The following ATL2 variants were observed in gnomAD, a reference collection of about 807,000 sequenced individuals.
ATL2 encodes the protein atlastin-2.
In ATL2, 31 loss-of-function variants were observed where a neutral mutation model predicts 73.9. That is an observed-to-expected ratio of 0.42 (90% CI 0.32 to 0.57). The LOEUF is 0.57. Ranked by LOEUF, ATL2 falls within the 20% of genes least tolerant of loss-of-function variation. The probability of loss-of-function intolerance (pLI) is 0.14; values close to 1 mark genes in which losing one functional copy is unlikely to be tolerated. For synonymous variants in ATL2, 291 were observed against 237.5 expected, an observed-to-expected ratio of 1.23 and a Z score of -2.07; for missense variants, 738 against 702.6, an observed-to-expected ratio of 1.05 and a Z score of -0.57.
Position 38,295,994 on chromosome 2 carries a change from T to TC in ATL2, c.1751dup (p.Ter584TrpfsTer38), listed in dbSNP as rs1203960969. 8.4e-6 allele frequency: 13 copies of TC among 1,544,148 alleles called. No homozygotes were observed. Among genetic ancestry groups the TC allele is most frequent in the Non-Finnish European group, 1.1e-5 (13 of 1,140,676 alleles). ...GTGGAGTCCGTGAGGAGATGAACTG[T>TC]CAGTCTGTCTTTAATCTGGCATGAT... On this transcript the variant is annotated frameshift_variant and stop_lost, in exon 13 of 13. Transcript: ENST00000378954. LOFTEE classifies it high-confidence loss of function.
intron 6 of ATL2, among the ~76,000 whole-genome samples, chr2:38,313,913 T>A (rs558874220): frequency 1.3e-5 from 2 of 152,288 alleles, no homozygotes; most frequent in East Asian, 3.9e-4. Context: ...AAAACTGATA[T>A]AGGCCAAATA....
rs1367711552 is a variant in ATL2, at chr2:38,300,290, A to T, written c.1110T>A (p.His370Gln). The change falls in exon 10 of 13, where the codon CAT (histidine) becomes CAA (glutamine). Residue 370 changes from histidine to glutamine, a missense_variant. His to Gln is a conservative substitution (Grantham distance 24). Transcript: ENST00000378954. ...IKIYQGEELP[H>Q]PKSMLQATAE... The stretch of plus-strand genomic sequence containing the variant: ...TCTCTACCTGAAGCATGGACTTTGG[A>T]TGTGGAAGTTCTTCTCCTTGATAGA... 1.2e-6 allele frequency: 2 copies of T among 1,606,060 alleles called. No individual in the cohort carries two copies. The highest frequency in any genetic ancestry group is 3.3e-5 in the Admixed American group (2 of 59,990).
intron 2 of ATL2, among the ~76,000 whole-genome samples, chr2:38,340,529 C>G (rs975672144): frequency 2.0e-5 from 3 of 152,136 alleles, no homozygotes; most frequent in African/African-American, 7.2e-5. Flanking sequence ...TTAATCTCCT[C>G]TTATAAAACT....
At chr2:38,344,735 C>G (rs1293603974) in intron 1 of ATL2, among the ~76,000 whole-genome samples, 1 of 152,104 alleles carries the variant, frequency 6.6e-6, no homozygotes, top group Non-Finnish European at 1.5e-5. Flanking sequence ...TAACAGTAAC[C>G]TAGTACTACT....
chr2:38,328,437 C>T (rs771252641), intron 2 of ATL2, among the ~76,000 whole-genome samples: 1 of 152,106 alleles, frequency 6.6e-6, no homozygotes, highest in African/African-American at 2.4e-5. Flanking sequence ...TTAAAATACA[C>T]CTTTAAAAAT....
At chr2:38,296,657 A>G in intron 12 of ATL2, 1 of 1,584,442 alleles carries the variant, frequency 6.3e-7, no homozygotes, top group South Asian at 1.1e-5. Context: ...GTTTAAGACT[A>G]CAAGAATTTG....
rs539291084 is a variant in ATL2 at position 38,340,379 on chromosome 2, A to T, written c.363+2889T>A. Among the ~76,000 whole-genome samples, 36 of 151,652 alleles carry T rather than the reference A, an allele frequency of 2.4e-4. No homozygotes were observed. In the South Asian group the frequency reaches 4.6e-3, roughly 19 times the overall value. On this transcript the variant is annotated intron_variant, in intron 2 of 12. Transcript: ENST00000378954. ...GAAAAGATACATTTATCTAAAGCAC[A>T]CCCCTAAATAAGCAAATAAGAATTA...
intron 2 of ATL2, among the ~76,000 whole-genome samples, chr2:38,334,462 G>T (rs1669186453): frequency 6.6e-6 from 1 of 151,902 alleles, no homozygotes; most frequent in South Asian, 2.1e-4. Context: ...AGCACTTTGG[G>T]AGGCTGAGGT....
intron 7 of ATL2, among the ~76,000 whole-genome samples, chr2:38,312,706 T>TTA (rs1667823828): frequency 8.3e-6 from 1 of 120,308 alleles, no homozygotes; most frequent in African/African-American, 3.8e-5. Flanking sequence ...GAGACTGTCT[T>TTA]AAAAAAAAAA....
chr2:38,324,298 G>C (rs577029571), intron 2 of ATL2, among the ~76,000 whole-genome samples: 2 of 152,106 alleles, frequency 1.3e-5, no homozygotes, highest in African/African-American at 4.8e-5. Flanking sequence ...AATCCAAGTA[G>C]TGCTACAATA....
intron 1 of ATL2, among the ~76,000 whole-genome samples, chr2:38,365,168 TACACACAC>T (rs143111604): frequency 0.05 from 6,816 of 135,312 alleles, 510 homozygotes; most frequent in African/African-American, 0.18. Flanking sequence ...CACACACAAA[TACACACAC>T]ACACACACAC....
At chr2:38,331,474 G>T (rs1386806919) in intron 2 of ATL2, among the ~76,000 whole-genome samples, 1 of 148,866 alleles carries the variant, frequency 6.7e-6, no homozygotes, top group African/African-American at 2.5e-5. Context: ...GCCGGGCATG[G>T]CAGCGCATGC....
intron 12 of ATL2, among the ~76,000 whole-genome samples, chr2:38,296,913 T>A (rs553338549): frequency 6.6e-6 from 1 of 152,230 alleles, no homozygotes; most frequent in Non-Finnish European, 1.5e-5. Context: ...AAAGAAGATA[T>A]TGTACAATTA....
At chr2:38,296,816 C>G (rs1348455456) in intron 12 of ATL2, 1 of 1,414,788 alleles carries the variant, frequency 7.1e-7, no homozygotes, top group South Asian at 1.4e-5. Flanking sequence ...ATTTTATACA[C>G]TTTAGATTCT....
chr2:38,328,133 CAT>C (rs1668773436), intron 2 of ATL2, among the ~76,000 whole-genome samples: 1 of 152,068 alleles, frequency 6.6e-6, no homozygotes, highest in Non-Finnish European at 1.5e-5. Context: ...AATAAGGAAA[CAT>C]AAAAACCACT....
chr2:38,344,574 C>T (rs1260404311), intron 1 of ATL2, among the ~76,000 whole-genome samples: 1 of 152,148 alleles, frequency 6.6e-6, no homozygotes, highest in Non-Finnish European at 1.5e-5. Context: ...TGCACCACTG[C>T]ATTCCAGCCT....
chr2:38,324,562 TA>T (rs994284070), intron 2 of ATL2, among the ~76,000 whole-genome samples: 3 of 152,236 alleles, frequency 2.0e-5, no homozygotes, highest in Non-Finnish European at 2.9e-5. Flanking sequence ...TAAAACTGTC[TA>T]ACATCTTATC....
At chr2:38,360,683 C>T (rs1408024167) in intron 1 of ATL2, among the ~76,000 whole-genome samples, 1 of 152,112 alleles carries the variant, frequency 6.6e-6, no homozygotes, top group Non-Finnish European at 1.5e-5. Context: ...AAGAAAATCT[C>T]ACCTCAAGTC....
intron 1 of ATL2, among the ~76,000 whole-genome samples, chr2:38,356,626 G>A (rs1417758908): frequency 6.6e-6 from 1 of 152,152 alleles, no homozygotes; most frequent in Middle Eastern, 3.2e-3. Flanking sequence ...TGAAAAAGTA[G>A]ACATGTATAA....
Sources: allele counts gnomAD v4.1 joint callset (sites outside exome capture counted in the v4.1 genomes callset), GRCh38; gene constraint gnomAD v4.1.1; transcripts MANE v1.5; gene names NCBI Gene and HGNC (gene_info 2026-07-23, HGNC 2026-07-21).